Variants in LRP1B observed in about 807,000 individuals in gnomAD.
LRP1B encodes LDL receptor related protein 1B, also known as low-density lipoprotein receptor-related protein 1B.
LRP1B carries 217 observed loss-of-function variants against 556.6 expected under a neutral mutation model. That is an observed-to-expected ratio of 0.39 (90% CI 0.35 to 0.44). The LOEUF (loss-of-function observed/expected upper bound fraction) is 0.44, where lower values mean the gene tolerates loss of function less well. Ranked by LOEUF, LRP1B falls within the 20% of genes least tolerant of loss-of-function variation. The probability of loss-of-function intolerance (pLI) is 1.00; values close to 1 mark genes in which losing one functional copy is unlikely to be tolerated. For missense variants in LRP1B, 5,053 were observed against 5,620.8 expected (o/e 0.90, Z 3.23); for synonymous variants, 2,047 against 1,865.8 (o/e 1.10, Z -2.50).
intron 7 of LRP1B, among the ~76,000 whole-genome samples, chr2:141,069,717 C>G (rs377282934): frequency 2.0e-5 from 3 of 152,034 alleles, no homozygotes; most frequent in Admixed American, 6.6e-5. Flanking sequence ...GTGAGGCATC[C>G]CTCATTCTTA....
chr2:140,749,376 ATT>A (rs70988430), intron 35 of LRP1B, among the ~76,000 whole-genome samples: 33 of 149,906 alleles, frequency 2.2e-4, no homozygotes, highest in African/African-American at 7.3e-4. Flanking sequence ...ACTTTTAAAC[ATT>A]TTTTTTTTAC....
At chr2:140,412,896 A>G (rs1164008276) in intron 66 of LRP1B, among the ~76,000 whole-genome samples, 1 of 152,134 alleles carries the variant, frequency 6.6e-6, no homozygotes, top group Non-Finnish European at 1.5e-5. Context: ...AAATTCATGA[A>G]CTATGTTTAT....
intron 1 of LRP1B, among the ~76,000 whole-genome samples, chr2:142,056,756 GTTTA>G (rs1559046867): frequency 3.7e-5 from 1 of 26,876 alleles, no homozygotes; most frequent in Non-Finnish European, 1.3e-4. Flanking sequence ...ATCAGCTGTT[GTTTA>G]ATTTAATAAA....
chr2:140,711,867 A>G (rs1687042427), intron 37 of LRP1B, among the ~76,000 whole-genome samples: 1 of 152,188 alleles, frequency 6.6e-6, no homozygotes, highest in Non-Finnish European at 1.5e-5. Flanking sequence ...GGGGAAGAGA[A>G]CTAGCACCCA....
chr2:141,876,944 C>A (rs1490897699), intron 1 of LRP1B, among the ~76,000 whole-genome samples: 1 of 151,702 alleles, frequency 6.6e-6, no homozygotes, highest in Admixed American at 6.6e-5. Context: ...ACCCAGTATG[C>A]CATTAGATAT....
intron 7 of LRP1B, among the ~76,000 whole-genome samples, chr2:141,178,233 G>T (rs1055338049): frequency 1.3e-5 from 2 of 152,054 alleles, no homozygotes; most frequent in Non-Finnish European, 2.9e-5. Flanking sequence ...ACTAGAAAGA[G>T]CCTCCTATTG....
At chr2:140,333,712 G>T (rs550439264) in intron 79 of LRP1B, among the ~76,000 whole-genome samples, 1 of 152,138 alleles carries the variant, frequency 6.6e-6, no homozygotes, top group African/African-American at 2.4e-5. Context: ...GAGGGTAGGT[G>T]GCACAGAGCC....
intron 3 of LRP1B, among the ~76,000 whole-genome samples, chr2:141,321,613 C>T (rs1687246577): frequency 6.6e-6 from 1 of 151,916 alleles, no homozygotes; most frequent in Non-Finnish European, 1.5e-5. Flanking sequence ...ATGTGTCCAC[C>T]CTAGAGCCAG....
intron 41 of LRP1B, among the ~76,000 whole-genome samples, chr2:140,696,076 A>G (rs1351835218): frequency 6.6e-6 from 1 of 152,216 alleles, no homozygotes; most frequent in East Asian, 1.9e-4. Flanking sequence ...TAAAACATGA[A>G]TACTTAAAAA....
intron 1 of LRP1B, among the ~76,000 whole-genome samples, chr2:142,008,554 T>A (rs1168753792): frequency 6.6e-6 from 1 of 150,872 alleles, no homozygotes; most frequent in Non-Finnish European, 1.5e-5. Flanking sequence ...CAGGGGCCTG[T>A]TTTTTCCTTT....
intron 2 of LRP1B, among the ~76,000 whole-genome samples, chr2:141,526,763 A>G (rs1574046768): frequency 6.6e-6 from 1 of 152,058 alleles, no homozygotes; most frequent in Non-Finnish European, 1.5e-5. Context: ...CACTACACTT[A>G]ATGCTTTGCC....
intron 79 of LRP1B, among the ~76,000 whole-genome samples, chr2:140,333,947 G>A (rs1393159126): frequency 6.6e-6 from 1 of 151,828 alleles, no homozygotes; most frequent in South Asian, 2.1e-4. Flanking sequence ...AGATGGCAAG[G>A]TGGCCAGGGA....
intron 2 of LRP1B, among the ~76,000 whole-genome samples, chr2:141,531,831 T>C (rs963363919): frequency 1.1e-4 from 17 of 148,564 alleles, no homozygotes; most frequent in African/African-American, 3.6e-4. Context: ...TCAAAATTTT[T>C]TGTAGGGGCA....
intron 14 of LRP1B, among the ~76,000 whole-genome samples, chr2:141,006,777 G>T (rs1209901560): frequency 6.6e-6 from 1 of 151,922 alleles, no homozygotes; most frequent in Non-Finnish European, 1.5e-5. Flanking sequence ...TACATAGCAT[G>T]CTACGGTACT....
chr2:141,657,912 A>T (rs1019165094), intron 2 of LRP1B, among the ~76,000 whole-genome samples: 4 of 152,194 alleles, frequency 2.6e-5, no homozygotes, highest in Non-Finnish European at 5.9e-5. Flanking sequence ...TTCTGCTCCC[A>T]TCCTTTCTAT....
intron 49 of LRP1B, 80 bp downstream of exon 49, chr2:140,525,764 T>C: frequency 7.4e-7 from 1 of 1,350,134 alleles, no homozygotes; most frequent in Non-Finnish European, 1.0e-6. Context: ...AGAATAAAAT[T>C]TTAAAAATTC....
At chr2:141,778,258 A>G (rs1190389794) in intron 2 of LRP1B, among the ~76,000 whole-genome samples, 1 of 152,212 alleles carries the variant, frequency 6.6e-6, no homozygotes, top group Non-Finnish European at 1.5e-5. Context: ...CATTTTCCAT[A>G]CATTAGATTA....
At chr2:141,932,208 T>C (rs990519256) in intron 1 of LRP1B, among the ~76,000 whole-genome samples, 2 of 152,104 alleles carry the variant, frequency 1.3e-5, no homozygotes, top group African/African-American at 4.8e-5. Flanking sequence ...GTACTTCATA[T>C]TTCTTGAGTG....
intron 41 of LRP1B, among the ~76,000 whole-genome samples, chr2:140,699,309 G>A (rs1574255113): frequency 6.6e-6 from 1 of 152,094 alleles, no homozygotes; most frequent in East Asian, 1.9e-4. Context: ...GAAAAAAGCA[G>A]TTAGCTGAAT....
Sources: allele counts gnomAD v4.1 joint callset (sites outside exome capture counted in the v4.1 genomes callset), GRCh38; gene constraint gnomAD v4.1.1; transcripts MANE v1.5; gene names NCBI Gene and HGNC (gene_info 2026-07-23, HGNC 2026-07-21).